FAM149A: variants seen among roughly 807,000 people sequenced by gnomAD.
FAM149A encodes the protein family with sequence similarity 149 member A.
A neutral mutation model predicts 78.2 loss-of-function variants in FAM149A; 71 were observed. The ratio of observed to expected loss-of-function variants is 0.91; its 90% CI spans 0.75 to 1.11. The LOEUF is 1.11. Among genes scored for constraint, FAM149A ranks in the 50% least tolerant of loss-of-function variants. FAM149A has a pLI of 0.00. For synonymous variants in FAM149A, 446 were observed against 410.5 expected (o/e 1.09, Z -1.04); for missense variants, 1,036 against 971.0 (o/e 1.07, Z -0.89).
intron 1 of FAM149A, among the ~76,000 whole-genome samples, chr4:186,132,725 A>G (rs1199416252): frequency 6.6e-6 from 1 of 152,200 alleles, no homozygotes; most frequent in Non-Finnish European, 1.5e-5. Context: ...CTCTTTATGC[A>G]AGATAAGGTG....
intron 10 of FAM149A, 26 bp downstream of exon 10, chr4:186,163,659 A>G: frequency 1.3e-6 from 2 of 1,559,202 alleles, no homozygotes; most frequent in Non-Finnish European, 1.8e-6. Context: ...TTCATAGTAA[A>G]CTAAAGGCCA....
At chr4:186,139,930 G>A (rs7668227) in intron 1 of FAM149A, among the ~76,000 whole-genome samples, 136,858 of 152,298 alleles carry the variant, frequency 0.9, 61,705 homozygotes, top group African/African-American at 0.98. Flanking sequence ...TAACTTTTGT[G>A]TATTATATTG....
intron 1 of FAM149A, among the ~76,000 whole-genome samples, chr4:186,136,964 T>TCTTTCTCTCTCTCTCTC (rs2099323207): frequency 3.1e-5 from 3 of 97,040 alleles, no homozygotes; most frequent in Non-Finnish European, 6.0e-5. Flanking sequence ...CTCTCTCTCT[T>TCTTTCTCTCTCTCTCTC]TCTCTCTCTC....
At position 186,121,206 on chromosome 4, in the gene FAM149A, G is replaced by GA. The variant is rs573834483; in HGVS notation, c.566+15570dup. Among the ~76,000 whole-genome samples, 1,227 of 152,134 alleles carry GA rather than the reference G, an allele frequency of 8.1e-3. 24 individuals carry two copies. Among genetic ancestry groups the GA allele is most frequent in the African/African-American group, 0.028 (1,154 of 41,516 alleles). ...GTAATGAGCAAGCATTGTCTTACTA[G>GA]AAAAAATGGAGAAGCAATTAGAGAT... On this transcript the variant is annotated intron_variant, in intron 1 of 13. Transcript: ENST00000389354.
chr4:186,133,815 C>T (rs917506077), intron 1 of FAM149A, among the ~76,000 whole-genome samples: 2 of 152,162 alleles, frequency 1.3e-5, no homozygotes, highest in Non-Finnish European at 2.9e-5. Context: ...TGCCACCACA[C>T]CTACCTACTT....
chr4:186,136,968 CTCTCTCTT>C (rs1213564208), intron 1 of FAM149A, among the ~76,000 whole-genome samples: 1,748 of 78,166 alleles, frequency 0.022, 46 homozygotes, highest in East Asian at 0.12. Context: ...CTCTCTTTCT[CTCTCTCTT>C]TCTCTCTCTC....
rs1732880948 is a variant in FAM149A, at chr4:186,144,887, G to C, written c.567-4286G>C. ...GGGGCGTGCGAGCCCCGCGGACCCC[G>C]GGCGCGCCCGGGCCGCCTGAGCTGG... On this transcript the variant is annotated intron_variant, in intron 1 of 13. Transcript: ENST00000389354. The surrounding 1 kb of genome is among the most constrained non-coding windows in gnomAD (Gnocchi z 4.2). 1 of 976,420 alleles carries C rather than the reference G, an allele frequency of 1.0e-6. No homozygotes were observed. Among genetic ancestry groups the C allele is most frequent in the Non-Finnish European group, 1.2e-6 (1 of 824,732 alleles). 60.5% of individuals were successfully genotyped at this position (976,420 alleles called of 1,614,324 possible). A position where few individuals can be genotyped will look rare whatever the true frequency, so the allele number is the denominator to read the frequency against.
intron 1 of FAM149A, chr4:186,127,621 T>G: frequency 1.0e-6 from 1 of 985,480 alleles, no homozygotes; most frequent in African/African-American, 1.7e-5. Context: ...GTTATATTCC[T>G]TACTCTTCAG....
At position 186,173,268 on chromosome 4, in the gene FAM149A, T is replaced by C. The variant is rs1420383776; in HGVS notation, c.*1281T>C. 1.8e-5 allele frequency among the ~76,000 whole-genome samples: 2 copies of C among 113,086 alleles called. 1 individual carries two copies. The highest frequency in any genetic ancestry group is 4.5e-5 in the Non-Finnish European group (2 of 44,688). The allele number at this position is 113,086 out of a possible 152,430, so 74.2% of individuals were successfully genotyped here. On this transcript the variant is annotated 3_prime_UTR_variant, in exon 14 of 14. Coordinates refer to ENST00000389354, the MANE Select transcript of FAM149A (RefSeq NM_001367768.3). Reference sequence around the variant, plus strand: ...TGTGTTGAGACTAACATTAATGTTGTCCTTTATCACAGGGTGACAAAAATG... The same window carrying C: ...TGTGTTGAGACTAACATTAATGTTGCCCTTTATCACAGGGTGACAAAAATG...
In FAM149A at chr4:186,147,660, G is replaced by A. The variant is rs115257819; in HGVS notation, c.567-1513G>A. ...CATATATTAACTCCTATACCAGTAT[G>A]TTTTTCTTAGTGTTCAAAACAAATC... On this transcript the variant is annotated intron_variant, in intron 1 of 13. Coordinates refer to ENST00000389354, the MANE Select transcript of FAM149A (RefSeq NM_001367768.3). Among the ~76,000 whole-genome samples, 1,069 of 152,222 alleles carry A rather than the reference G, an allele frequency of 7.0e-3. 12 individuals carry two copies. Among genetic ancestry groups the A allele is most frequent in the Middle Eastern group, 0.048 (14 of 294 alleles).
intron 1 of FAM149A, among the ~76,000 whole-genome samples, chr4:186,135,270 A>C (rs1367331581): frequency 1.3e-5 from 2 of 152,208 alleles, no homozygotes; most frequent in African/African-American, 4.8e-5. Flanking sequence ...TTAAACATAA[A>C]ATGCATGCAA....
intron 4 of FAM149A, among the ~76,000 whole-genome samples, chr4:186,152,790 C>T (rs1327253182): frequency 6.6e-6 from 1 of 151,700 alleles, no homozygotes. Flanking sequence ...GTGATCCGCC[C>T]GCCTCAGCCT....
chr4:186,154,557 C>A lies in FAM149A; in HGVS notation c.1148C>A (p.Thr383Lys). Reference sequence around the variant, plus strand: ...GATGACACAGGGGTTGCTGACCTAACGGCACGTTCATCCCTGGAAGAAGAG... The same window carrying A: ...GATGACACAGGGGTTGCTGACCTAAAGGCACGTTCATCCCTGGAAGAAGAG... Residue 383 changes from threonine to lysine, a missense_variant, in exon 6 of 14, where the codon ACG (threonine) becomes AAG (lysine). Physicochemically the swap from Thr to Lys is moderately conservative, Grantham distance 78 (BLOSUM62 -1). Around this residue, in one of 3 missense-constraint regions of FAM149A, gnomAD observed 716 missense variants for 711.8 expected, o/e 1.01. Transcript: ENST00000389354. 1 of 1,614,090 alleles carries A rather than the reference C, an allele frequency of 6.2e-7. No homozygotes were observed. Among genetic ancestry groups the A allele is most frequent in the Non-Finnish European group, 8.5e-7 (1 of 1,180,004 alleles).
rs1165375456 is a variant in FAM149A, at chr4:186,105,637, C to G, written c.561C>G (p.Gly187=). The change falls in exon 1 of 14, where the codon GGC becomes GGG. Residue 187 remains glycine (G), a synonymous_variant. Transcript: ENST00000389354. Reference sequence around the variant, plus strand: ...CCTCGGACGGCGACTCCGGGGATGGCGAAGCGTGAGTAGCAGCGTGGTCCG... The same window carrying G: ...CCTCGGACGGCGACTCCGGGGATGGGGAAGCGTGAGTAGCAGCGTGGTCCG... 113 of 1,062,438 alleles carry G rather than the reference C, an allele frequency of 1.1e-4. No homozygotes were observed. Among genetic ancestry groups the G allele is most frequent in the Non-Finnish European group, 1.2e-4 (108 of 873,768 alleles). The allele number at this position is 1,062,438 out of a possible 1,614,324, so 65.8% of individuals were successfully genotyped here.
At chr4:186,113,430 T>C (rs1489729977) in intron 1 of FAM149A, among the ~76,000 whole-genome samples, 1 of 13,412 alleles carries the variant, frequency 7.5e-5, no homozygotes, top group African/African-American at 1.8e-4. Flanking sequence ...TCTTGCCTTC[T>C]GCTAGCTTTT....
At chr4:186,171,372 A>G (rs1340844830) in intron 13 of FAM149A, 2 of 152,288 alleles carry the variant, frequency 1.3e-5, no homozygotes, top group South Asian at 2.1e-4. Flanking sequence ...TCGAGGGTCC[A>G]TAAGAGGGAT....
intron 8 of FAM149A, among the ~76,000 whole-genome samples, chr4:186,161,216 G>A (rs1296398183): frequency 6.6e-6 from 1 of 152,178 alleles, no homozygotes; most frequent in Non-Finnish European, 1.5e-5. Flanking sequence ...AGTAGGGTAA[G>A]ATATGAACCA....
At chr4:186,140,686 T>C (rs986240286) in intron 1 of FAM149A, among the ~76,000 whole-genome samples, 2 of 152,196 alleles carry the variant, frequency 1.3e-5, no homozygotes, top group African/African-American at 2.4e-5. Context: ...CAGGGCCCCA[T>C]GCCATTAAAA....
chr4:186,157,867 A>T, intron 8 of FAM149A, 148 bp downstream of exon 8: 1 of 1,541,020 alleles, frequency 6.5e-7, no homozygotes, highest in Non-Finnish European at 8.7e-7. Flanking sequence ...TTCCATGGTA[A>T]CTTAAAGGGA....
Sources: gnomAD v4.1 joint callset for allele counts (sites outside exome capture counted in the v4.1 genomes callset) on GRCh38, gnomAD v4.1.1 for gene constraint, gnomAD v4.1.1 regional missense constraint, Gnocchi (gnomAD v3.1) non-coding constraint, MANE v1.5 for transcripts, NCBI Gene and HGNC (gene_info 2026-07-23, HGNC 2026-07-21) for gene names.